PPP3CA: variants seen among roughly 807,000 people sequenced by gnomAD.
PPP3CA encodes CAM-PRP catalytic subunit.
Under a neutral mutation model 66.5 loss-of-function variants are expected in PPP3CA, and 14 were observed. That is an observed-to-expected ratio of 0.21 (90% CI 0.14 to 0.33). The LOEUF (loss-of-function observed/expected upper bound fraction) is 0.33, where lower values mean the gene tolerates loss of function less well. Ranked by LOEUF, PPP3CA falls within the 10% of genes least tolerant of loss-of-function variation. The pLI is 1.00. For synonymous variants in PPP3CA, 232 were observed against 226.2 expected (o/e 1.03, Z -0.23); for missense variants, 317 against 639.5 (o/e 0.50, Z 5.44).
chr4:101,219,967 G>T (rs987611682), intron 1 of PPP3CA, among the ~76,000 whole-genome samples: 1 of 151,722 alleles, frequency 6.6e-6, no homozygotes, highest in Non-Finnish European at 1.5e-5. Context: ...CATTTTCCAT[G>T]AAGTTAAGTA....
intron 11 of PPP3CA, among the ~76,000 whole-genome samples, chr4:101,039,191 CTTGCTA>C (rs1727394049): frequency 6.9e-6 from 1 of 144,704 alleles, no homozygotes; most frequent in Admixed American, 6.9e-5. Flanking sequence ...TATCTTTGCA[CTTGCTA>C]TTGTCTTTGC....
chr4:101,212,945 T>A (rs1184515113), intron 1 of PPP3CA, among the ~76,000 whole-genome samples: 1 of 152,142 alleles, frequency 6.6e-6, no homozygotes, highest in East Asian at 1.9e-4. Flanking sequence ...ATAATCTATA[T>A]GTCTGGTTGG....
At chr4:101,075,949 G>T (rs1229648150) in intron 8 of PPP3CA, among the ~76,000 whole-genome samples, 3 of 152,102 alleles carry the variant, frequency 2.0e-5, no homozygotes, top group South Asian at 2.1e-4. Flanking sequence ...CCAACACCTA[G>T]CATGGAGCTT....
At chr4:101,301,549 G>A (rs1463623248) in intron 1 of PPP3CA, among the ~76,000 whole-genome samples, 1 of 144,588 alleles carries the variant, frequency 6.9e-6, no homozygotes, top group African/African-American at 2.5e-5. Context: ...CTGAAGTGCA[G>A]TGACACAATC....
Position 101,054,578 on chromosome 4 carries a change from C to G in PPP3CA, c.1156+6509G>C, listed in dbSNP as rs528004299. Among the ~76,000 whole-genome samples the G allele has an allele frequency of 9.9e-5, 15 of 152,054 alleles. No homozygotes were observed. The South Asian group carries it at 2.5e-3, about 25-fold the overall frequency. On this transcript the variant is annotated intron_variant, in intron 10 of 13. Transcript: ENST00000394854. ...CCCTTAGAAAAGTATTCCTCAAGGACCAGTAAGATACAACATTAGTCACAC... is the reference window on the plus strand; with the variant it reads ...CCCTTAGAAAAGTATTCCTCAAGGAGCAGTAAGATACAACATTAGTCACAC...
chr4:101,123,279 T>C (rs1418562730), intron 2 of PPP3CA, among the ~76,000 whole-genome samples: 1 of 152,106 alleles, frequency 6.6e-6, no homozygotes, highest in East Asian at 1.9e-4. Flanking sequence ...GCTGAATGAA[T>C]GAAGGAACAA....
intron 8 of PPP3CA, among the ~76,000 whole-genome samples, chr4:101,073,216 CAT>C (rs1210781756): frequency 7.0e-6 from 1 of 141,862 alleles, no homozygotes; most frequent in African/African-American, 2.8e-5. Flanking sequence ...TTTCTACCAC[CAT>C]ATATATATAC....
chr4:101,069,502 A>G (rs1311865878), intron 8 of PPP3CA, among the ~76,000 whole-genome samples: 1 of 152,136 alleles, frequency 6.6e-6, no homozygotes, highest in East Asian at 1.9e-4. Flanking sequence ...TAAAATACTC[A>G]TATTATCTTA....
chr4:101,253,670 T>C (rs1439971743), intron 1 of PPP3CA, among the ~76,000 whole-genome samples: 1 of 152,124 alleles, frequency 6.6e-6, no homozygotes, highest in Non-Finnish European at 1.5e-5. Flanking sequence ...GTTTACAGAT[T>C]ATCTGATTAA....
At chr4:101,108,275 G>C (rs1378835054) in intron 3 of PPP3CA, 3 of 152,174 alleles carry the variant, frequency 2.0e-5, no homozygotes, top group Admixed American at 2.0e-4. Context: ...ACAAAGGTAA[G>C]TTACTGTCTC....
chr4:101,048,479 T>C (rs1359432830), intron 10 of PPP3CA, among the ~76,000 whole-genome samples: 2 of 119,852 alleles, frequency 1.7e-5, no homozygotes, highest in Non-Finnish European at 3.2e-5. Context: ...GCAGTCAATG[T>C]GAATCCAGAG....
intron 6 of PPP3CA, among the ~76,000 whole-genome samples, chr4:101,085,876 A>AGAGC (rs1241784832): frequency 6.6e-6 from 1 of 151,952 alleles, no homozygotes; most frequent in Non-Finnish European, 1.5e-5. Flanking sequence ...AGAGAGAGAA[A>AGAGC]GAGCGAGAGA....
chr4:101,295,307 CAAAAAAAAAA>C (rs527366396), intron 1 of PPP3CA, among the ~76,000 whole-genome samples: 7 of 42,054 alleles, frequency 1.7e-4, no homozygotes, highest in African/African-American at 2.6e-4. Flanking sequence ...GACTCCGTCT[CAAAAAAAAAA>C]AAAAAAAAAA....
chr4:101,336,818 G>A (rs768926545), intron 1 of PPP3CA, among the ~76,000 whole-genome samples: 56 of 152,186 alleles, frequency 3.7e-4, no homozygotes, highest in Non-Finnish European at 6.6e-4. Context: ...ACATGCAGGG[G>A]CGGGATTCTA....
chr4:101,199,465 AT>A (rs3840149), intron 1 of PPP3CA, among the ~76,000 whole-genome samples: 1 of 151,964 alleles, frequency 6.6e-6, no homozygotes, highest in Non-Finnish European at 1.5e-5. Flanking sequence ...TTCCAAAACA[AT>A]TTTTTTTGTA....
intron 1 of PPP3CA, among the ~76,000 whole-genome samples, chr4:101,264,018 T>C (rs982948588): frequency 2.0e-5 from 3 of 152,138 alleles, no homozygotes; most frequent in African/African-American, 7.2e-5. Context: ...TCCAAAACCA[T>C]CTTTTCACAA....
At chr4:101,103,093 T>C (rs1016728765) in intron 3 of PPP3CA, among the ~76,000 whole-genome samples, 2 of 152,228 alleles carry the variant, frequency 1.3e-5, no homozygotes, top group Non-Finnish European at 2.9e-5. Flanking sequence ...ACTAAGAATA[T>C]AATTTTCTTC....
intron 2 of PPP3CA, among the ~76,000 whole-genome samples, chr4:101,109,670 A>C (rs988673978): frequency 2.0e-5 from 3 of 151,662 alleles, no homozygotes; most frequent in African/African-American, 7.3e-5. Flanking sequence ...AAAAAAAAAA[A>C]AAAACTCCAA....
chr4:101,105,122 A>C (rs958206609), intron 3 of PPP3CA, among the ~76,000 whole-genome samples: 1 of 152,066 alleles, frequency 6.6e-6, no homozygotes. Flanking sequence ...TCTGCTGAGG[A>C]ACAAATTAGT....
Sources: allele counts gnomAD v4.1 joint callset (sites outside exome capture counted in the v4.1 genomes callset), GRCh38; gene constraint gnomAD v4.1.1; transcripts MANE v1.5; gene names NCBI Gene and HGNC (gene_info 2026-07-23, HGNC 2026-07-21).